BNC2: variants seen among roughly 807,000 people sequenced by gnomAD.
The protein encoded by BNC2 is basonuclin zinc finger protein 2.
A neutral mutation model predicts 76.3 loss-of-function variants in BNC2; 20 were observed. The observed-to-expected ratio is 0.26, with a 90% CI of 0.18 to 0.38. BNC2 has a LOEUF of 0.38. Among genes scored for constraint, BNC2 ranks in the 10% least tolerant of loss-of-function variants. BNC2 has a pLI of 1.00. For missense variants in BNC2, 1,382 were observed against 1,399.8 expected, an observed-to-expected ratio of 0.99 and a Z score of 0.20; for synonymous variants, 582 against 514.8, an observed-to-expected ratio of 1.13 and a Z score of -1.77.
intron 2 of BNC2, among the ~76,000 whole-genome samples, chr9:16,728,599 G>T (rs1398172077): frequency 6.6e-6 from 1 of 151,058 alleles, no homozygotes; most frequent in African/African-American, 2.4e-5. Context: ...ATGTAAAGTT[G>T]GCTCAGTTAT....
intron 3 of BNC2, among the ~76,000 whole-genome samples, chr9:16,604,688 C>T (rs541148101): frequency 3.3e-5 from 5 of 151,874 alleles, no homozygotes; most frequent in Admixed American, 1.3e-4. Flanking sequence ...GCCCGTAATC[C>T]CAGCTACTTG....
At chr9:16,718,506 A>C (rs1019079766) in intron 3 of BNC2, among the ~76,000 whole-genome samples, 1 of 152,212 alleles carries the variant, frequency 6.6e-6, no homozygotes, top group Admixed American at 6.5e-5. Context: ...AAGGGAAATA[A>C]TGAGACATCT....
At chr9:16,700,982 A>AT (rs1823494501) in intron 3 of BNC2, among the ~76,000 whole-genome samples, 1 of 152,158 alleles carries the variant, frequency 6.6e-6, no homozygotes, top group Non-Finnish European at 1.5e-5. Flanking sequence ...TTTTCCTGTG[A>AT]ATTCCACATA....
At chr9:16,716,452 C>A (rs916276602) in intron 3 of BNC2, among the ~76,000 whole-genome samples, 1 of 152,052 alleles carries the variant, frequency 6.6e-6, no homozygotes, top group African/African-American at 2.4e-5. Flanking sequence ...TTCTTTATAT[C>A]TACTTTTTTT....
intron 1 of BNC2, among the ~76,000 whole-genome samples, chr9:16,827,778 G>A (rs191102870): frequency 1.3e-5 from 2 of 152,236 alleles, no homozygotes; most frequent in East Asian, 3.9e-4. Flanking sequence ...CATTTTTCAA[G>A]ACTGAATTAC....
intron 5 of BNC2, among the ~76,000 whole-genome samples, chr9:16,520,861 A>G (rs192973589): frequency 6.6e-6 from 1 of 152,360 alleles, no homozygotes. Flanking sequence ...TGGCACAAGC[A>G]TAGCTTTAAA....
At chr9:16,612,987 C>T (rs1314468510) in intron 3 of BNC2, among the ~76,000 whole-genome samples, 2 of 152,128 alleles carry the variant, frequency 1.3e-5, no homozygotes, top group African/African-American at 4.8e-5. Context: ...GAAGATCATC[C>T]AAGAAGATGG....
chr9:16,559,957 G>T (rs1299054058), intron 4 of BNC2, among the ~76,000 whole-genome samples: 1 of 152,246 alleles, frequency 6.6e-6, no homozygotes, highest in Admixed American at 6.5e-5. Flanking sequence ...ACACAGAAGA[G>T]AGGGCAATGC....
At chr9:16,467,724 C>G (rs1821724290) in intron 5 of BNC2, among the ~76,000 whole-genome samples, 1 of 143,180 alleles carries the variant, frequency 7.0e-6, no homozygotes, top group African/African-American at 2.6e-5. Flanking sequence ...GGAGATATAC[C>G]TAATGCTAGA....
chr9:16,599,472 G>T (rs528783234), intron 3 of BNC2, among the ~76,000 whole-genome samples: 2 of 152,248 alleles, frequency 1.3e-5, no homozygotes, highest in South Asian at 4.1e-4. Context: ...CCCTCAACTT[G>T]TCTTTAAGTA....
chr9:16,499,577 TGGAGTGCAATGGCACAATCTCA>T (rs1339847526), intron 5 of BNC2, among the ~76,000 whole-genome samples: 1 of 147,256 alleles, frequency 6.8e-6, no homozygotes, highest in Non-Finnish European at 1.5e-5. Flanking sequence ...TTGTCCAAGC[TGGAGTGCAATGGCACAATCTCA>T]GCTCACTGTA....
intron 3 of BNC2, among the ~76,000 whole-genome samples, chr9:16,700,299 A>G (rs1587329941): frequency 6.6e-6 from 1 of 152,180 alleles, no homozygotes; most frequent in South Asian, 2.1e-4. Context: ...CTATAATCCC[A>G]GCGCTTTGGG....
intron 5 of BNC2, among the ~76,000 whole-genome samples, chr9:16,500,384 A>T (rs908066356): frequency 6.6e-6 from 1 of 152,190 alleles, no homozygotes; most frequent in Non-Finnish European, 1.5e-5. Flanking sequence ...TTCTAAATGT[A>T]TAGCACTTGT....
At chr9:16,770,872 C>CA (rs912590325) in intron 1 of BNC2, among the ~76,000 whole-genome samples, 2 of 151,640 alleles carry the variant, frequency 1.3e-5, no homozygotes, top group African/African-American at 4.8e-5. Flanking sequence ...GACCCTGTCA[C>CA]AAAAAGAAAA....
chr9:16,499,640 G>A (rs951057934), intron 5 of BNC2, among the ~76,000 whole-genome samples: 6 of 147,708 alleles, frequency 4.1e-5, no homozygotes, highest in East Asian at 4.0e-4. Flanking sequence ...AGCAATTCTC[G>A]TGCCTCAGCT....
chr9:16,838,542 C>T lies in BNC2; in HGVS notation c.3+32104G>A, dbSNP rs113757260. On this transcript the variant is annotated intron_variant, in intron 1 of 6. Coordinates refer to ENST00000380672, the MANE Select transcript of BNC2 (RefSeq NM_017637.6). ...CTCCATTGCACTCCAGCCTGGACAA[C>T]AAGAGCGAAACTCCGTGTTAAAAAA... Among the ~76,000 whole-genome samples the T allele has an allele frequency of 3.6e-3, 555 of 152,276 alleles. 4 individuals are homozygous for T. The highest frequency in any genetic ancestry group is 0.012 in the African/African-American group (517 of 41,550).
intron 1 of BNC2, among the ~76,000 whole-genome samples, chr9:16,866,073 T>C (rs1410022454): frequency 2.6e-5 from 4 of 152,206 alleles, no homozygotes; most frequent in East Asian, 1.9e-4. Context: ...ATGATAAATA[T>C]GTTTGTCTAA....
At chr9:16,744,788 T>C (rs1430659550) in intron 1 of BNC2, among the ~76,000 whole-genome samples, 1 of 152,228 alleles carries the variant, frequency 6.6e-6, no homozygotes, top group Non-Finnish European at 1.5e-5. Context: ...CTGGTCTCAC[T>C]GAGCTTTATC....
At chr9:16,664,499 G>T (rs933440758) in intron 3 of BNC2, among the ~76,000 whole-genome samples, 1 of 152,104 alleles carries the variant, frequency 6.6e-6, no homozygotes, top group Non-Finnish European at 1.5e-5. Context: ...TTTTAGCTGA[G>T]ACTGTCTGGG....
Sources: allele counts gnomAD v4.1 joint callset (sites outside exome capture counted in the v4.1 genomes callset), GRCh38; gene constraint gnomAD v4.1.1; transcripts MANE v1.5; gene names NCBI Gene and HGNC (gene_info 2026-07-23, HGNC 2026-07-21).